RASAL1: variants seen among roughly 807,000 people sequenced by gnomAD.
The protein encoded by RASAL1 is RAS protein activator like 1.
RASAL1 carries 72 observed loss-of-function variants against 96.6 expected under a neutral mutation model. The ratio of observed to expected loss-of-function variants is 0.75; its 90% CI spans 0.62 to 0.91. RASAL1 has a LOEUF of 0.91. Ranked by LOEUF, RASAL1 falls within the 40% of genes least tolerant of loss-of-function variation. RASAL1 has a pLI of 0.00. For missense variants in RASAL1, 1,016 were observed against 1,072.5 expected, an observed-to-expected ratio of 0.95 and a Z score of 0.74; for synonymous variants, 405 against 430.4, an observed-to-expected ratio of 0.94 and a Z score of 0.73.
intron 8 of RASAL1, among the ~76,000 whole-genome samples, chr12:113,116,489 A>G (rs1180333347): frequency 1.3e-5 from 2 of 152,186 alleles, no homozygotes; most frequent in Admixed American, 1.3e-4. Flanking sequence ...TGTTTGCAAA[A>G]CAAGACAGGT....
Position 113,114,802 on chromosome 12 carries a change from G to T in RASAL1, c.1179C>A (p.Thr393=). ...LDPCKMDLGR[T]RRISFKGALS... ...CAGGGTCCTCAGGCTTTGCTCACCGGGTGCGGCCCAGGTCCATCTTGCAGG... is the reference window on the plus strand; with the variant it reads ...CAGGGTCCTCAGGCTTTGCTCACCGTGTGCGGCCCAGGTCCATCTTGCAGG... The change falls in exon 12 of 21, where the codon ACC becomes ACA. Residue 393 remains threonine (T), a splice_region_variant and synonymous_variant. Transcript: ENST00000548055. The T allele has an allele frequency of 6.2e-7, 1 of 1,613,174 alleles. No homozygotes were observed. The highest frequency in any genetic ancestry group is 8.5e-7 in the Non-Finnish European group (1 of 1,179,182).
chr12:113,120,186 C>CCTG (rs1951241615), intron 5 of RASAL1, among the ~76,000 whole-genome samples: 2 of 152,340 alleles, frequency 1.3e-5, no homozygotes, highest in South Asian at 4.1e-4. Flanking sequence ...CCTTCTTCCT[C>CCTG]CTGCTCCCTT....
At chr12:113,111,268 T>TCC (rs775399161) in intron 13 of RASAL1, among the ~76,000 whole-genome samples, 9 of 151,556 alleles carry the variant, frequency 5.9e-5, no homozygotes, top group Non-Finnish European at 1.3e-4. Context: ...TCTTACTTCC[T>TCC]CTCTCTCTCT....
At chr12:113,107,360 T>C (rs1807335) in intron 14 of RASAL1, 119 bp from the exon 15 acceptor site, 171,195 of 1,226,466 alleles carry the variant, frequency 0.14, 13,231 homozygotes, top group Middle Eastern at 0.17. Context: ...CAGTGGCTCA[T>C]GCCTGTAATC....
Position 113,100,074 on chromosome 12 carries a change from AG to A in RASAL1, c.2279-7del, listed in dbSNP as rs764186181. The A allele has an allele frequency of 2.5e-6, 4 of 1,596,292 alleles. No homozygotes were observed. In the African/African-American group the frequency reaches 5.4e-5, roughly 21 times the overall value. ...CAGGACCTCAGGACAGGCCCCTAGG[AG>A]GGAGACAAGAGGCCACAGGGGCTCA... On this transcript the variant is annotated splice_polypyrimidine_tract_variant and splice_region_variant and intron_variant, in intron 20 of 20. Transcript: ENST00000548055.
intron 4 of RASAL1, among the ~76,000 whole-genome samples, chr12:113,125,017 C>A (rs1023055775): frequency 1.3e-4 from 20 of 151,514 alleles, no homozygotes; most frequent in African/African-American, 4.6e-4. Context: ...ATCCCGGCAC[C>A]TTGTGGGGCC....
intron 5 of RASAL1, 44 bp downstream of exon 5, chr12:113,121,465 T>G: frequency 6.2e-7 from 1 of 1,610,826 alleles, no homozygotes; most frequent in Non-Finnish European, 8.5e-7. Context: ...GGACTCCTGC[T>G]CATTCTCAGA....
chr12:113,104,382 G>A (rs1161869699), intron 16 of RASAL1, 84 bp from the exon 17 acceptor site: 6 of 1,355,392 alleles, frequency 4.4e-6, no homozygotes, highest in Non-Finnish European at 5.1e-6. Flanking sequence ...TGTGCAGCAG[G>A]TGGAGTCAGT....
intron 5 of RASAL1, 132 bp downstream of exon 5, chr12:113,121,377 C>T (rs530939996): frequency 1.4e-6 from 2 of 1,438,214 alleles, no homozygotes; most frequent in East Asian, 4.6e-5. Flanking sequence ...TTTGTCCACA[C>T]AGGGAACCTG....
At chr12:113,117,891 C>T (rs1049680433) in intron 7 of RASAL1, among the ~76,000 whole-genome samples, 12 of 152,086 alleles carry the variant, frequency 7.9e-5, no homozygotes, top group African/African-American at 2.9e-4. Flanking sequence ...TGACTCATAA[C>T]GTATAAGGAA....
At chr12:113,100,803 C>G in intron 19 of RASAL1, 123 bp from the exon 20 acceptor site, 1 of 740,574 alleles carries the variant, frequency 1.4e-6, no homozygotes, top group Non-Finnish European at 2.4e-6. Context: ...CCATCATCAT[C>G]ATCATCATCT....
chr12:113,104,019 G>A lies in RASAL1; in HGVS notation c.2031C>T (p.Asn677=). The A allele has an allele frequency of 6.3e-7, 1 of 1,577,562 alleles. No individual in the cohort carries two copies. The change falls in exon 18 of 21, where the codon AAC becomes AAT. Residue 677 remains asparagine, a synonymous_variant. Coordinates refer to ENST00000548055, the MANE Select transcript of RASAL1 (RefSeq NM_001301202.2). ...CACCGGGGTGGCAGGCGGCCAGCTT[G>A]TTCGGGTTGGGGGCGCTGGCCTTGC... ...ALRKASAPNP[N]KLAACHPGAF...
chr12:113,104,170 G>A lies in RASAL1; in HGVS notation c.1959C>T (p.Leu653=), dbSNP rs569184816. 4 of 1,608,980 alleles carry A rather than the reference G, an allele frequency of 2.5e-6. No individual in the cohort carries two copies. In the African/African-American group the frequency reaches 5.3e-5, roughly 21 times the overall value. Residue 653 remains leucine, a synonymous_variant, in exon 17 of 21, where the codon CTC becomes CTT. Transcript: ENST00000548055. ...CGCGGTGGGGTCTCACCTTGCACTG[G>A]AGGTAGGTGGTGTGCAGCGCCCCCG... ...DGTGALHTTY[L]QCKNVNELNQ... is the part of the protein sequence containing the mutation.
chr12:113,115,818 T>C lies in RASAL1; in HGVS notation c.850-30A>G. ...GTGGGGGCGGGAGACAAAGATGACC[T>C]CGGCCCCTGGGACCCCAAAGCAGAT... is the stretch of plus-strand genomic sequence containing the variant. On this transcript the variant is annotated intron_variant, in intron 9 of 20. Coordinates refer to ENST00000548055, the MANE Select transcript of RASAL1 (RefSeq NM_001301202.2). The surrounding 1 kb of genome is among the most constrained non-coding windows in gnomAD (Gnocchi z 4.1). 6.2e-7 allele frequency: 1 copy of C among 1,612,546 alleles called. No homozygotes were observed. The highest frequency in any genetic ancestry group is 8.5e-7 in the Non-Finnish European group (1 of 1,179,096).
At chr12:113,107,052 C>A in intron 15 of RASAL1, 45 bp downstream of exon 15, 1 of 1,574,084 alleles carries the variant, frequency 6.4e-7, no homozygotes, top group Non-Finnish European at 8.6e-7. Context: ...AGTGGTGTCT[C>A]AACTGGGCTG....
At chr12:113,134,710 C>T (rs778978397) in intron 1 of RASAL1, among the ~76,000 whole-genome samples, 2 of 152,182 alleles carry the variant, frequency 1.3e-5, no homozygotes, top group Non-Finnish European at 2.9e-5. Flanking sequence ...CTGGGGGAAG[C>T]ATAGCTTGGG....
chr12:113,100,132 C>A, intron 20 of RASAL1, 64 bp from the exon 21 acceptor site: 1 of 1,475,100 alleles, frequency 6.8e-7, no homozygotes, highest in South Asian at 1.4e-5. Context: ...GTAACCCGGA[C>A]CCAATGGTTT....
chr12:113,119,509 A>C, intron 5 of RASAL1, 66 bp from the exon 6 acceptor site: 2 of 1,425,626 alleles, frequency 1.4e-6, no homozygotes, highest in Non-Finnish European at 1.9e-6. Context: ...AAAGGCTGTT[A>C]AGAGTAGATC....
At chr12:113,119,718 G>A (rs1951218631) in intron 5 of RASAL1, among the ~76,000 whole-genome samples, 1 of 152,178 alleles carries the variant, frequency 6.6e-6, no homozygotes. Flanking sequence ...CCAGCAAGTA[G>A]AAGTGCAGCA....
Sources: allele counts gnomAD v4.1 joint callset (sites outside exome capture counted in the v4.1 genomes callset), GRCh38; gene constraint gnomAD v4.1.1; non-coding constraint Gnocchi (gnomAD v3.1); transcripts MANE v1.5; gene names NCBI Gene and HGNC (gene_info 2026-07-23, HGNC 2026-07-21).